The following EXOC6 variants were observed in gnomAD, a reference collection of about 807,000 sequenced individuals.
EXOC6 encodes the protein SEC15-like 1.
EXOC6 carries 60 observed loss-of-function variants against 112.5 expected under a neutral mutation model. That is an observed-to-expected ratio of 0.53 (90% CI 0.43 to 0.66). The LOEUF (loss-of-function observed/expected upper bound fraction) is 0.66. Ranked by LOEUF, EXOC6 falls within the 30% of genes least tolerant of loss-of-function variation. The pLI is 0.00. For synonymous variants in EXOC6, 295 were observed against 308.0 expected (o/e 0.96, Z 0.44); for missense variants, 855 against 957.1 (o/e 0.89, Z 1.41).
At chr10:92,856,145 T>A (rs968591502) in intron 1 of EXOC6, among the ~76,000 whole-genome samples, 1 of 152,148 alleles carries the variant, frequency 6.6e-6, no homozygotes, top group African/African-American at 2.4e-5. Flanking sequence ...ATTACAGGCA[T>A]GAGCCACTGC....
chr10:92,842,050 TTAA>T (rs1027357210), intron 1 of EXOC6, among the ~76,000 whole-genome samples: 8 of 137,436 alleles, frequency 5.8e-5, no homozygotes, highest in African/African-American at 2.2e-4. Flanking sequence ...AAAAAAAGTG[TTAA>T]TAAGTGCTAT....
At chr10:92,957,762 G>A (rs894114734) in intron 17 of EXOC6, among the ~76,000 whole-genome samples, 1 of 152,152 alleles carries the variant, frequency 6.6e-6, no homozygotes, top group Non-Finnish European at 1.5e-5. Context: ...ATAAGGGGAA[G>A]CATTTCAACA....
intron 4 of EXOC6, among the ~76,000 whole-genome samples, chr10:92,898,227 T>C (rs1219857747): frequency 6.6e-6 from 1 of 150,896 alleles, no homozygotes; most frequent in Non-Finnish European, 1.5e-5. Context: ...GAGAACAGCC[T>C]GGGCAACATA....
At chr10:92,858,021 T>C (rs530005971) in intron 1 of EXOC6, among the ~76,000 whole-genome samples, 2 of 108,414 alleles carry the variant, frequency 1.8e-5, no homozygotes, top group Non-Finnish European at 3.7e-5. Context: ...AGTTGACGGG[T>C]TCCCCCCCTC....
chr10:92,940,590 C>CT (rs1052109222), intron 12 of EXOC6, 137 bp from the exon 13 acceptor site: 20 of 608,058 alleles, frequency 3.3e-5, no homozygotes, highest in Admixed American at 1.6e-4. Context: ...CAAAATGTAT[C>CT]TTTTTTTTCT....
intron 19 of EXOC6, among the ~76,000 whole-genome samples, chr10:93,000,331 G>C (rs1335272016): frequency 1.3e-5 from 2 of 152,098 alleles, no homozygotes; most frequent in Non-Finnish European, 2.9e-5. Context: ...ATTGACATTT[G>C]GAGAAAGGCC....
intron 1 of EXOC6, among the ~76,000 whole-genome samples, chr10:92,880,449 A>C (rs184546978): frequency 1.9e-3 from 294 of 152,140 alleles, no homozygotes; most frequent in African/African-American, 6.7e-3. Context: ...TCTAGAGGTT[A>C]CTTTTTGGTA....
At chr10:92,908,923 G>A (rs1302586557) in intron 5 of EXOC6, among the ~76,000 whole-genome samples, 4 of 152,124 alleles carry the variant, frequency 2.6e-5, no homozygotes, top group Non-Finnish European at 4.4e-5. Flanking sequence ...GTGTGTGTGT[G>A]TGATACTTAA....
intron 1 of EXOC6, among the ~76,000 whole-genome samples, chr10:92,872,055 T>C: frequency 6.6e-6 from 1 of 152,108 alleles, no homozygotes; most frequent in East Asian, 1.9e-4. Context: ...GCTTTTATTT[T>C]TAATGATTCT....
chr10:92,933,411 C>T (rs1312394809), intron 9 of EXOC6, among the ~76,000 whole-genome samples: 1 of 152,074 alleles, frequency 6.6e-6, no homozygotes, highest in Non-Finnish European at 1.5e-5. Flanking sequence ...TGACTACATA[C>T]TATGCTATAA....
intron 7 of EXOC6, 28 bp from the exon 8 acceptor site, chr10:92,919,954 A>C (rs1456683486): frequency 1.3e-6 from 2 of 1,482,910 alleles, no homozygotes; most frequent in Non-Finnish European, 1.8e-6. Context: ...TTGACCTATA[A>C]TTTTTTTAAA....
At chr10:92,889,494 A>G (rs1849388892) in intron 1 of EXOC6, among the ~76,000 whole-genome samples, 1 of 152,214 alleles carries the variant, frequency 6.6e-6, no homozygotes, top group Non-Finnish European at 1.5e-5. Context: ...TTCAAGGTCT[A>G]GTCTAGATTC....
rs1849602461 is a variant in EXOC6, at chr10:92,893,446, A to C, written c.199A>C (p.Asn67His). The C allele has an allele frequency of 1.2e-6, 2 of 1,612,956 alleles. No individual in the cohort carries two copies. The highest frequency in any genetic ancestry group is 1.7e-6 in the Non-Finnish European group (2 of 1,179,338). The change falls in exon 2 of 22, where the codon AAT becomes CAT. Residue 67 changes from asparagine (N) to histidine (H), a missense_variant. Around this residue, in one of 2 missense-constraint regions of EXOC6, gnomAD observed 405 missense variants for 393.6 expected, o/e 1.03. Coordinates refer to ENST00000260762, the MANE Select transcript of EXOC6 (RefSeq NM_019053.6). ...NHDKEIEKMC[N>H]FHHQGFVDAI... The stretch of plus-strand genomic sequence containing the variant: ...TGACAAGGAAATTGAAAAGATGTGT[A>C]ATTTTCATCATCAGGGTTTTGTAGA...
At chr10:92,925,964 T>G (rs1851691956) in intron 8 of EXOC6, among the ~76,000 whole-genome samples, 1 of 151,970 alleles carries the variant, frequency 6.6e-6, no homozygotes, top group South Asian at 2.1e-4. Context: ...AGACTTTTCT[T>G]GAGAGACACT....
At chr10:92,895,995 T>C (rs1589783246) in intron 4 of EXOC6, among the ~76,000 whole-genome samples, 1 of 144,316 alleles carries the variant, frequency 6.9e-6, no homozygotes, top group African/African-American at 2.5e-5. Context: ...AGATGTTTTA[T>C]ATTATATATA....
chr10:93,021,159 C>A (rs186117355), intron 20 of EXOC6, among the ~76,000 whole-genome samples: 2 of 151,966 alleles, frequency 1.3e-5, no homozygotes, highest in Admixed American at 6.6e-5. Flanking sequence ...AAATCATCCA[C>A]ACTTTCCCCA....
chr10:93,036,994 A>T (rs1006929889), intron 20 of EXOC6, among the ~76,000 whole-genome samples: 1 of 152,190 alleles, frequency 6.6e-6, no homozygotes, highest in Non-Finnish European at 1.5e-5. Context: ...TTTGTCAACT[A>T]TGGAGGGTAG....
At chr10:92,967,974 T>C (rs1033674354) in intron 17 of EXOC6, among the ~76,000 whole-genome samples, 6 of 152,120 alleles carry the variant, frequency 3.9e-5, no homozygotes, top group South Asian at 2.1e-4. Context: ...AAATGCAAAA[T>C]GGTAAATACA....
intron 19 of EXOC6, among the ~76,000 whole-genome samples, chr10:93,007,289 T>A (rs115151107): frequency 0.015 from 378 of 24,834 alleles, no homozygotes; most frequent in South Asian, 0.046. Flanking sequence ...TACTCAAAAA[T>A]TTTTTTTTTT....
Sources: gnomAD v4.1 joint callset for allele counts (sites outside exome capture counted in the v4.1 genomes callset) on GRCh38, gnomAD v4.1.1 for gene constraint, gnomAD v4.1.1 regional missense constraint, MANE v1.5 for transcripts, NCBI Gene and HGNC (gene_info 2026-07-23, HGNC 2026-07-21) for gene names.